Variants in PLXDC2 observed in about 807,000 individuals in gnomAD.
PLXDC2 encodes the protein plexin domain containing 2, also known as plexin domain-containing protein 2.
PLXDC2 carries 40 observed loss-of-function variants against 68.9 expected under a neutral mutation model. The observed-to-expected ratio is 0.58, with a 90% CI of 0.45 to 0.76. The LOEUF (loss-of-function observed/expected upper bound fraction) is 0.76, where lower values mean the gene tolerates loss of function less well. PLXDC2 is among the 30% of genes least tolerant of loss of function. The pLI, the probability that PLXDC2 is intolerant of heterozygous loss-of-function variation, is 0.00. For missense variants in PLXDC2, 644 were observed against 661.9 expected (o/e 0.97, Z 0.30); for synonymous variants, 243 against 234.2 (o/e 1.04, Z -0.34).
chr10:20,121,583 T>C (rs1833698302), intron 4 of PLXDC2, among the ~76,000 whole-genome samples: 1 of 152,012 alleles, frequency 6.6e-6, no homozygotes, highest in African/African-American at 2.4e-5. Context: ...TCAGGGTCAG[T>C]CTAAGTGAAA....
chr10:19,853,473 A>G (rs1351888490), intron 1 of PLXDC2, among the ~76,000 whole-genome samples: 1 of 151,870 alleles, frequency 6.6e-6, no homozygotes, highest in Non-Finnish European at 1.5e-5. Flanking sequence ...CAAGGCTGAT[A>G]TTGAACTCCT....
chr10:20,080,777 C>G (rs1045030406), intron 4 of PLXDC2, among the ~76,000 whole-genome samples: 2 of 152,168 alleles, frequency 1.3e-5, no homozygotes, highest in Admixed American at 1.3e-4. Flanking sequence ...CAAGTTGACC[C>G]CATCACACAA....
At chr10:19,833,507 C>G (rs1407507238) in intron 1 of PLXDC2, among the ~76,000 whole-genome samples, 2 of 152,202 alleles carry the variant, frequency 1.3e-5, no homozygotes, top group African/African-American at 2.4e-5. Context: ...TAAAAGAACA[C>G]TCAAGGAGTT....
intron 4 of PLXDC2, among the ~76,000 whole-genome samples, chr10:20,099,319 A>AT (rs1833392476): frequency 6.6e-6 from 1 of 152,148 alleles, no homozygotes; most frequent in South Asian, 2.1e-4. Context: ...CTTCTTGTTC[A>AT]TTCTATTTTA....
intron 1 of PLXDC2, among the ~76,000 whole-genome samples, chr10:19,983,299 A>C (rs1329080065): frequency 6.6e-6 from 1 of 152,192 alleles, no homozygotes; most frequent in Non-Finnish European, 1.5e-5. Context: ...CCAAACTGGG[A>C]AAGAGGACAT....
At chr10:20,224,402 AGAAGAG>A (rs1835259194) in intron 12 of PLXDC2, among the ~76,000 whole-genome samples, 3 of 152,216 alleles carry the variant, frequency 2.0e-5, no homozygotes, top group African/African-American at 7.2e-5. Flanking sequence ...GTAGCTGACT[AGAAGAG>A]TTATATTTTT....
intron 1 of PLXDC2, among the ~76,000 whole-genome samples, chr10:19,888,551 T>A (rs1213474367): frequency 6.6e-6 from 1 of 152,072 alleles, no homozygotes; most frequent in African/African-American, 2.4e-5. Context: ...GTAACCAGAA[T>A]ATGGCTGTAG....
chr10:20,226,405 C>T (rs1311227802), intron 12 of PLXDC2, among the ~76,000 whole-genome samples: 4 of 152,110 alleles, frequency 2.6e-5, no homozygotes, highest in Admixed American at 2.6e-4. Flanking sequence ...TATTGGACAC[C>T]CCTGATTTAA....
chr10:19,999,390 GT>G (rs10715864), intron 1 of PLXDC2, among the ~76,000 whole-genome samples: 41,795 of 101,076 alleles, frequency 0.41, 6,101 homozygotes, highest in East Asian at 0.57. Context: ...GTAGGTGTTT[GT>G]TTTTTTTTTT....
intron 1 of PLXDC2, among the ~76,000 whole-genome samples, chr10:19,981,676 T>C (rs1050361944): frequency 2.6e-5 from 4 of 152,350 alleles, no homozygotes; most frequent in South Asian, 4.1e-4. Context: ...GACAATCTTA[T>C]TTTTTAGTGG....
At chr10:20,111,742 C>G (rs1438806556) in intron 4 of PLXDC2, among the ~76,000 whole-genome samples, 1 of 152,196 alleles carries the variant, frequency 6.6e-6, no homozygotes, top group Admixed American at 6.5e-5. Context: ...TAAGAAAGTT[C>G]ATTCTCCCAG....
chr10:20,145,458 A>T (rs1834063968), intron 5 of PLXDC2, among the ~76,000 whole-genome samples: 1 of 152,246 alleles, frequency 6.6e-6, no homozygotes, highest in African/African-American at 2.4e-5. Flanking sequence ...TGGAAAAGAC[A>T]GCAGCAGGTT....
At chr10:19,908,795 A>G (rs773185099) in intron 1 of PLXDC2, among the ~76,000 whole-genome samples, 2 of 152,224 alleles carry the variant, frequency 1.3e-5, no homozygotes, top group East Asian at 3.9e-4. Flanking sequence ...GATACTGTCC[A>G]TGGGTCTTTG....
chr10:19,837,276 A>G (rs1564604512), intron 1 of PLXDC2, among the ~76,000 whole-genome samples: 1 of 152,170 alleles, frequency 6.6e-6, no homozygotes, highest in African/African-American at 2.4e-5. Flanking sequence ...AACAAGAACA[A>G]AAGTTAAAAC....
intron 1 of PLXDC2, among the ~76,000 whole-genome samples, chr10:19,934,007 A>T (rs1833684498): frequency 6.6e-6 from 1 of 152,174 alleles, no homozygotes; most frequent in Admixed American, 6.5e-5. Context: ...GTTTTGTAGA[A>T]TATTAAATAA....
chr10:19,927,686 G>C (rs1430381211), intron 1 of PLXDC2, among the ~76,000 whole-genome samples: 1 of 113,440 alleles, frequency 8.8e-6, no homozygotes, highest in Non-Finnish European at 1.7e-5. Context: ...GGGTGACAGA[G>C]TGAGACTCCA....
chr10:19,877,104 T>G (rs1293531471), intron 1 of PLXDC2, among the ~76,000 whole-genome samples: 1 of 152,142 alleles, frequency 6.6e-6, no homozygotes, highest in Non-Finnish European at 1.5e-5. Flanking sequence ...TCTGTGGTGG[T>G]AAAATAACAC....
intron 1 of PLXDC2, among the ~76,000 whole-genome samples, chr10:19,825,107 G>A (rs1226712685): frequency 6.6e-6 from 1 of 152,136 alleles, no homozygotes; most frequent in Non-Finnish European, 1.5e-5. Flanking sequence ...ATCATAGTTA[G>A]TGGTCTGTGA....
At chr10:19,929,278 T>C (rs530527333) in intron 1 of PLXDC2, among the ~76,000 whole-genome samples, 1 of 151,580 alleles carries the variant, frequency 6.6e-6, no homozygotes. Context: ...AGGGTAGCAG[T>C]TTTTTACTGG....
Sources: gnomAD v4.1 joint callset for allele counts (sites outside exome capture counted in the v4.1 genomes callset) on GRCh38, gnomAD v4.1.1 for gene constraint, MANE v1.5 for transcripts, NCBI Gene and HGNC (gene_info 2026-07-23, HGNC 2026-07-21) for gene names.